MTARC2: variants seen among roughly 807,000 people sequenced by gnomAD.
MTARC2 encodes the protein mitochondrial amidoxime reducing component 2, also known as MOCO sulphurase C-terminal domain containing 2.
Under a neutral mutation model 35.6 loss-of-function variants are expected in MTARC2, and 27 were observed. That is an observed-to-expected ratio of 0.76 (90% CI 0.56 to 1.04). The LOEUF (loss-of-function observed/expected upper bound fraction) is 1.04. Among genes scored for constraint, MTARC2 ranks in the 50% least tolerant of loss-of-function variants. The probability of loss-of-function intolerance (pLI) is 0.00; values close to 1 mark genes in which losing one functional copy is unlikely to be tolerated. For missense variants in MTARC2, 412 were observed against 432.5 expected, an observed-to-expected ratio of 0.95 and a Z score of 0.42; for synonymous variants, 158 against 167.1, an observed-to-expected ratio of 0.95 and a Z score of 0.42.
At position 220,748,789 on chromosome 1, in the gene MTARC2, C is replaced by T. The variant is rs1176466805; in HGVS notation, c.258C>T (p.Gly86=). 6.3e-7 allele frequency: 1 copy of T among 1,594,246 alleles called. No individual in the cohort carries two copies. Among genetic ancestry groups the T allele is most frequent in the Non-Finnish European group, 8.5e-7 (1 of 1,171,040 alleles). ...AECTAMGLRS[G]NLRDRFWLVI... The stretch of plus-strand genomic sequence containing the variant: ...GCACGGCCATGGGGCTGCGCAGCGG[C>T]AACCTGCGGGACAGGTACAGCACAG... The change falls in exon 1 of 8, where the codon GGC becomes GGT. Residue 86 remains glycine, a synonymous_variant. Coordinates refer to ENST00000366913, the MANE Select transcript of MTARC2 (RefSeq NM_017898.5).
At chr1:220,757,358 G>C (rs1032937170) in intron 2 of MTARC2, among the ~76,000 whole-genome samples, 2 of 152,238 alleles carry the variant, frequency 1.3e-5, no homozygotes, top group African/African-American at 4.8e-5. Flanking sequence ...GCCCTCTCTA[G>C]CTGGTTAGAC....
intron 4 of MTARC2, among the ~76,000 whole-genome samples, chr1:220,772,300 T>C (rs2102563302): frequency 6.6e-6 from 1 of 152,352 alleles, no homozygotes; most frequent in Middle Eastern, 3.4e-3. Flanking sequence ...GCCAAATTGC[T>C]TTCCAGAAAC....
Position 220,783,820 on chromosome 1 carries a change from T to C in MTARC2, c.*32-99T>C. The C allele has an allele frequency of 1.3e-5, 9 of 712,436 alleles. No homozygotes were observed. In the South Asian group the frequency reaches 1.3e-4, roughly 11 times the overall value. 44.1% of individuals were successfully genotyped at this position (712,436 alleles called of 1,614,324 possible). On this transcript the variant is annotated intron_variant, in intron 7 of 7. Transcript: ENST00000366913. ...CACAGCACTGCACCATACATTTATA[T>C]GTGTAACCTCAATAAGTGACTGTTT...
intron 4 of MTARC2, among the ~76,000 whole-genome samples, chr1:220,775,640 C>T (rs1224132292): frequency 6.6e-6 from 1 of 152,158 alleles, no homozygotes; most frequent in African/African-American, 2.4e-5. Flanking sequence ...AGGTAATAAG[C>T]ATAGTACCCT....
intron 1 of MTARC2, chr1:220,754,373 G>A (rs1293395441): frequency 4.4e-6 from 2 of 456,174 alleles, no homozygotes; most frequent in Non-Finnish European, 8.8e-6. Context: ...GTCAGAATGT[G>A]TGCATGAAGA....
At chr1:220,764,719 C>T (rs1671535552) in intron 4 of MTARC2, among the ~76,000 whole-genome samples, 1 of 151,438 alleles carries the variant, frequency 6.6e-6, no homozygotes, top group African/African-American at 2.4e-5. Context: ...AGCCCCGGGC[C>T]GGAGATTGTG....
chr1:220,777,458 CTGCCTCCTGCAGAGACTTCAGACCTCTTA>C (rs1281499958), intron 4 of MTARC2, among the ~76,000 whole-genome samples: 1 of 152,214 alleles, frequency 6.6e-6, no homozygotes, highest in Non-Finnish European at 1.5e-5. Context: ...CTGCCCTGCT[CTGCCTCCTGCAGAGACTTCAGACCTCTTA>C]TGCCTCCTGC....
chr1:220,778,253 A>AC (rs1671969744), intron 4 of MTARC2, among the ~76,000 whole-genome samples: 1 of 137,604 alleles, frequency 7.3e-6, no homozygotes, highest in Non-Finnish European at 1.6e-5. Flanking sequence ...GTCTCAAAAA[A>AC]AAAAAAAAAA....
rs1045265256 is a variant in MTARC2 at position 220,784,286 on chromosome 1, C to T, written c.*399C>T. ...TTTTAAAATGTGTGCCTTTTATTAC[C>T]TATCAGTCTATGTTTTGGGAGAAAT... On this transcript the variant is annotated 3_prime_UTR_variant, in exon 8 of 8. Transcript: ENST00000366913. 3.9e-5 allele frequency: 10 copies of T among 258,936 alleles called. No homozygotes were observed. Among genetic ancestry groups the T allele is most frequent in the Admixed American group, 3.5e-4 (7 of 19,736 alleles). The allele number at this position is 258,936 out of a possible 1,614,324, so 16.0% of individuals were successfully genotyped here.
intron 1 of MTARC2, among the ~76,000 whole-genome samples, chr1:220,753,871 G>A (rs1350838503): frequency 1.3e-5 from 2 of 152,050 alleles, no homozygotes; most frequent in Non-Finnish European, 2.9e-5. Context: ...CCAACATAGC[G>A]AAACCCCATC....
chr1:220,755,896 A>G (rs1379031434), intron 2 of MTARC2, among the ~76,000 whole-genome samples: 1 of 152,206 alleles, frequency 6.6e-6, no homozygotes, highest in African/African-American at 2.4e-5. Flanking sequence ...TTCTCCTTTC[A>G]TTCAAATCTT....
At chr1:220,777,494 C>A (rs1671950546) in intron 4 of MTARC2, among the ~76,000 whole-genome samples, 1 of 152,224 alleles carries the variant, frequency 6.6e-6, no homozygotes. Flanking sequence ...CTTATGCCTC[C>A]TGCCCAAGCG....
chr1:220,764,230 A>G (rs191967155), intron 4 of MTARC2, among the ~76,000 whole-genome samples: 2 of 152,030 alleles, frequency 1.3e-5, no homozygotes, highest in East Asian at 3.9e-4. Context: ...AGGAGCTGGG[A>G]CTACAGGCAC....
chr1:220,757,626 T>C (rs189679429), intron 2 of MTARC2, among the ~76,000 whole-genome samples: 1 of 152,330 alleles, frequency 6.6e-6, no homozygotes, highest in East Asian at 1.9e-4. Context: ...CTTCTCGTTA[T>C]GTCCTCACAT....
At position 220,748,783 on chromosome 1, in the gene MTARC2, C is replaced by A; in HGVS notation, c.252C>A (p.Arg84=). The A allele has an allele frequency of 1.3e-6, 2 of 1,595,632 alleles. No individual in the cohort carries two copies. The highest frequency in any genetic ancestry group is 1.7e-5 in the Admixed American group (1 of 58,252). Reference sequence around the variant, plus strand: ...CTGAGTGCACGGCCATGGGGCTGCGCAGCGGCAACCTGCGGGACAGGTACA... The same window carrying A: ...CTGAGTGCACGGCCATGGGGCTGCGAAGCGGCAACCTGCGGGACAGGTACA... ...SEAECTAMGL[R]SGNLRDRFWL... is the part of the protein sequence containing the mutation. The change falls in exon 1 of 8, where the codon CGC becomes CGA. Residue 84 remains arginine, a synonymous_variant. Coordinates refer to ENST00000366913, the MANE Select transcript of MTARC2 (RefSeq NM_017898.5).
At chr1:220,776,760 G>A (rs1271001204) in intron 4 of MTARC2, among the ~76,000 whole-genome samples, 1 of 152,176 alleles carries the variant, frequency 6.6e-6, no homozygotes, top group Non-Finnish European at 1.5e-5. Flanking sequence ...AATTGCCACC[G>A]TTATGTGTCT....
intron 2 of MTARC2, among the ~76,000 whole-genome samples, chr1:220,757,252 A>T (rs548886049): frequency 6.6e-6 from 1 of 151,886 alleles, no homozygotes; most frequent in South Asian, 2.1e-4. Context: ...GTAGATCTGG[A>T]TGAGGTGGGA....
In MTARC2 at chr1:220,748,449, G is replaced by T; in HGVS notation, c.-83G>T. On this transcript the variant is annotated 5_prime_UTR_variant, in exon 1 of 8. Coordinates refer to ENST00000366913, the MANE Select transcript of MTARC2 (RefSeq NM_017898.5). Reference sequence around the variant, plus strand: ...CAACTTTGACTCCTCTCGCCTGCCCGGATCCTTAAGGGCCTCCTCGTCCTC... The same window carrying T: ...CAACTTTGACTCCTCTCGCCTGCCCTGATCCTTAAGGGCCTCCTCGTCCTC... The T allele has an allele frequency of 7.7e-7, 1 of 1,296,910 alleles. No individual in the cohort carries two copies. Among genetic ancestry groups the T allele is most frequent in the South Asian group, 2.1e-5 (1 of 47,998 alleles). 80.3% of individuals were successfully genotyped at this position (1,296,910 alleles called of 1,614,324 possible). A position where few individuals can be genotyped will look rare whatever the true frequency, so the allele number is the denominator to read the frequency against.
chr1:220,762,840 C>T lies in MTARC2; in HGVS notation c.610-70C>T. ...GAAGAGGTTTTGCTTCTGGACATTA[C>T]TTAGCTTTGTAGTTGGTCTAGGCCA... On this transcript the variant is annotated intron_variant, in intron 3 of 7. Transcript: ENST00000366913. The T allele has an allele frequency of 6.4e-6, 10 of 1,562,524 alleles. No individual in the cohort carries two copies. In the South Asian group the frequency reaches 7.9e-5, roughly 12 times the overall value.
Sources: gnomAD v4.1 joint callset for allele counts (sites outside exome capture counted in the v4.1 genomes callset) on GRCh38, gnomAD v4.1.1 for gene constraint, MANE v1.5 for transcripts, NCBI Gene and HGNC (gene_info 2026-07-23, HGNC 2026-07-21) for gene names.